The following POM121 variants were observed in gnomAD, a reference collection of about 807,000 sequenced individuals.
The protein encoded by POM121 is POM121 transmembrane nucleoporin, also known as nuclear envelope pore membrane protein POM 121.
POM121 carries 32 observed loss-of-function variants against 81.3 expected under a neutral mutation model. The ratio of observed to expected loss-of-function variants is 0.39; its 90% CI spans 0.30 to 0.53. The LOEUF (loss-of-function observed/expected upper bound fraction) is 0.53. POM121 is among the 20% of genes least tolerant of loss of function. The pLI is 0.66. For synonymous variants in POM121, 514 were observed against 694.2 expected, an observed-to-expected ratio of 0.74 and a Z score of 4.08; for missense variants, 1,138 against 1,614.6, an observed-to-expected ratio of 0.70 and a Z score of 5.06.
chr7:72,950,381 C>G, downstream of POM121: 1 of 647,192 alleles, frequency 1.5e-6, no homozygotes, highest in East Asian at 2.8e-5. Context: ...CAGGAGCCCC[C>G]TCTACTGTTT....
In POM121 at chr7:72,943,219, A is replaced by C. The variant is rs1563172565; in HGVS notation, c.3226A>C (p.Thr1076Pro). ...GAATSSGFGATTQTASSGSSS... is the reference protein window; with the variant it reads ...GAATSSGFGAPTQTASSGSSS... ...AGCCACCAGCTCCGGCTTTGGAGCCACCACCCAGACCGCCAGCAGCGGGAG... is the reference window on the plus strand; with the variant it reads ...AGCCACCAGCTCCGGCTTTGGAGCCCCCACCCAGACCGCCAGCAGCGGGAG... The change falls in exon 11 of 13, where the codon ACC becomes CCC. Residue 1076 changes from threonine (T) to proline (P), a missense_variant. Thr to Pro is a conservative substitution (Grantham distance 38). This residue lies in a region of POM121 where 336 missense variants were observed against 344.3 expected (regional missense o/e 0.98). Coordinates refer to ENST00000434423, the MANE Select transcript of POM121 (RefSeq NM_001387691.1). The C allele has an allele frequency of 6.2e-7, 1 of 1,612,774 alleles. No homozygotes were observed. The highest frequency in any genetic ancestry group is 8.5e-7 in the Non-Finnish European group (1 of 1,179,728).
chr7:72,917,864 A>T (rs757821532), intron 4 of POM121, among the ~76,000 whole-genome samples: 4 of 152,200 alleles, frequency 2.6e-5, no homozygotes, highest in Non-Finnish European at 5.9e-5. Context: ...TATTGGATAC[A>T]AAGCAAAAGG....
intron 1 of POM121, among the ~76,000 whole-genome samples, chr7:72,882,064 T>C (rs1243447332): frequency 6.6e-6 from 1 of 152,218 alleles, no homozygotes; most frequent in Non-Finnish European, 1.5e-5. Flanking sequence ...CTGTTGAAAT[T>C]GAGCCGCACC....
intron 3 of POM121, among the ~76,000 whole-genome samples, chr7:72,911,733 C>G (rs1793825982): frequency 6.6e-6 from 1 of 152,160 alleles, no homozygotes; most frequent in Non-Finnish European, 1.5e-5. Flanking sequence ...GAATGCGTGG[C>G]AAGCATGTAG....
chr7:72,923,623 G>A (rs370960239), upstream of POM121, among the ~76,000 whole-genome samples: 2 of 88,974 alleles, frequency 2.2e-5, no homozygotes, highest in South Asian at 7.2e-4. Context: ...TTTTTGAGAC[G>A]GAGTCTCGCT....
At chr7:72,932,497 C>T (rs1222511946) in intron 5 of POM121, among the ~76,000 whole-genome samples, 9 of 152,082 alleles carry the variant, frequency 5.9e-5, no homozygotes, top group Non-Finnish European at 1.3e-4. Flanking sequence ...TCTGCTATCA[C>T]AAATAATGCT....
chr7:72,879,984 G>A (rs1789969139), intron 1 of POM121: 1 of 387,562 alleles, frequency 2.6e-6, no homozygotes, highest in Admixed American at 3.1e-5. Context: ...CGTCCCGATT[G>A]CTTGCCGGAG....
chr7:72,902,928 C>T (rs1230594484), intron 3 of POM121, among the ~76,000 whole-genome samples: 1 of 152,160 alleles, frequency 6.6e-6, no homozygotes, highest in Non-Finnish European at 1.5e-5. Flanking sequence ...TTTCTTTTAG[C>T]TTTTTGAGCA....
chr7:72,894,417 A>T (rs1395456013), intron 3 of POM121, among the ~76,000 whole-genome samples: 3 of 151,934 alleles, frequency 2.0e-5, no homozygotes, highest in Non-Finnish European at 4.4e-5. Flanking sequence ...GTCTCTACTA[A>T]ATATACAAAA....
chr7:72,941,593 T>C (rs1253670336), intron 10 of POM121, among the ~76,000 whole-genome samples: 4 of 151,040 alleles, frequency 2.6e-5, no homozygotes, highest in Non-Finnish European at 1.5e-5. Flanking sequence ...TTGGACTGTC[T>C]TAGTCTCTAC....
At chr7:72,897,706 G>A (rs1242881051) in intron 3 of POM121, among the ~76,000 whole-genome samples, 2 of 152,146 alleles carry the variant, frequency 1.3e-5, no homozygotes, top group African/African-American at 4.8e-5. Context: ...GATAGAAGTG[G>A]TCACATGCAG....
rs183883195 is a variant in POM121 at position 72,907,549 on chromosome 7, C to T, written c.-215-6216C>T. ...TTTTTGAGACAGAGTCTCACTCTGT[C>T]GCCCAGGCTGGAGTGCACTGGTGTG... On this transcript the variant is annotated intron_variant, in intron 3 of 15. Coordinates refer to the POM121 transcript ENST00000395270. Among the ~76,000 whole-genome samples the T allele has an allele frequency of 6.2e-3, 935 of 150,976 alleles. 4 individuals carry two copies. Among genetic ancestry groups the T allele is most frequent in the Non-Finnish European group, 0.01 (698 of 67,866 alleles).
Position 72,925,342 on chromosome 7 carries a change from G to A in POM121, c.221G>A (p.Arg74Gln), listed in dbSNP as rs1563154231. The change falls in exon 1 of 13, where the codon CGA (arginine) becomes CAA (glutamine). Residue 74 changes from arginine to glutamine, a missense_variant. Physicochemically the swap from Arg to Gln is conservative, Grantham distance 43. Transcript: ENST00000434423. Reference protein sequence around the residue: ...AAWWGLSREPRGSRPLSSFVR... With the variant: ...AAWWGLSREPQGSRPLSSFVR... ...TGGTGGGGACTGAGCCGCGAGCCCCGAGGTTCGCGCCCCTTGTCCTCCTTC... is the reference window on the plus strand; with the variant it reads ...TGGTGGGGACTGAGCCGCGAGCCCCAAGGTTCGCGCCCCTTGTCCTCCTTC... 2.6e-6 allele frequency: 4 copies of A among 1,534,290 alleles called. No individual in the cohort carries two copies. Among genetic ancestry groups the A allele is most frequent in the Non-Finnish European group, 8.7e-7 (1 of 1,146,648 alleles).
chr7:72,892,564 T>C (rs1158458706), intron 3 of POM121, among the ~76,000 whole-genome samples: 2 of 152,218 alleles, frequency 1.3e-5, no homozygotes, highest in African/African-American at 2.4e-5. Context: ...CAAATGATCA[T>C]TGTCCTTTTC....
Position 72,943,504 on chromosome 7 carries a change from A to G in POM121, c.3511A>G (p.Ser1171Gly), listed in dbSNP as rs1797345931. The change falls in exon 11 of 13, where the codon AGC becomes GGC. Residue 1171 changes from serine to glycine, a missense_variant. By Grantham distance (56) the Ser-to-Gly change is moderately conservative. Coordinates refer to ENST00000434423, the MANE Select transcript of POM121 (RefSeq NM_001387691.1). ...FAFNVSSTTE[S>G]KPVFGGTATP... The stretch of plus-strand genomic sequence containing the variant: ...CTTCAACGTGAGCAGCACAACTGAG[A>G]GCAAACCTGTGTTTGGAGGTAAGGA... 4 of 1,612,258 alleles carry G rather than the reference A, an allele frequency of 2.5e-6. No individual in the cohort carries two copies. Among genetic ancestry groups the G allele is most frequent in the Middle Eastern group, 2.1e-4 (1 of 4,772 alleles).
In POM121 at chr7:72,903,732, C is replaced by G. The variant is rs192440674; in HGVS notation, c.-215-10033C>G. 1.1e-4 allele frequency among the ~76,000 whole-genome samples: 16 copies of G among 152,326 alleles called. No individual in the cohort carries two copies. In the East Asian group the frequency reaches 3.1e-3, roughly 29 times the overall value. On this transcript the variant is annotated intron_variant, in intron 3 of 15. Coordinates refer to the POM121 transcript ENST00000395270. ...TCCCTCTTTGTGGATTGCCACTGTG[C>G]TGGGGCACTGGAGCAGTCCTTCAGG... is the stretch of plus-strand genomic sequence containing the variant.
intron 3 of POM121, among the ~76,000 whole-genome samples, chr7:72,902,375 G>A (rs1478831939): frequency 6.9e-6 from 1 of 144,320 alleles, no homozygotes; most frequent in East Asian, 2.1e-4. Flanking sequence ...CAATACTCCT[G>A]TCTCAGCCTC....
chr7:72,894,769 C>T (rs1791762748), intron 3 of POM121, among the ~76,000 whole-genome samples: 1 of 151,972 alleles, frequency 6.6e-6, no homozygotes, highest in South Asian at 2.1e-4. Context: ...AGAGATCCTC[C>T]ACCCCACCTT....
At chr7:72,894,587 A>C (rs535643680) in intron 3 of POM121, among the ~76,000 whole-genome samples, 22 of 150,924 alleles carry the variant, frequency 1.5e-4, no homozygotes, top group South Asian at 2.1e-4. Flanking sequence ...AAAAAAAAAA[A>C]AAAACTCTTT....
Sources: gnomAD v4.1 joint callset for allele counts (sites outside exome capture counted in the v4.1 genomes callset) on GRCh38, gnomAD v4.1.1 for gene constraint, gnomAD v4.1.1 regional missense constraint, MANE v1.5 for transcripts, NCBI Gene and HGNC (gene_info 2026-07-23, HGNC 2026-07-21) for gene names.